Variants in RYR2 observed in about 807,000 individuals in gnomAD.
RYR2 encodes the protein cardiac muscle ryanodine receptor-calcium release channel.
In RYR2, 227 loss-of-function variants were observed where a neutral mutation model predicts 601.1. The ratio of observed to expected loss-of-function variants is 0.38; its 90% CI spans 0.34 to 0.42. The LOEUF (loss-of-function observed/expected upper bound fraction) is 0.42. Among genes scored for constraint, RYR2 ranks in the 10% least tolerant of loss-of-function variants. RYR2 has a pLI of 1.00. For missense variants in RYR2, 4,646 were observed against 6,156.5 expected, an observed-to-expected ratio of 0.75 and a Z score of 8.21; for synonymous variants, 2,223 against 2,175.1, an observed-to-expected ratio of 1.02 and a Z score of -0.61.
rs75585601 is a variant in RYR2 at position 237,385,749 on chromosome 1, A to G, written c.577-1532A>G. 5.2e-3 allele frequency among the ~76,000 whole-genome samples: 797 copies of G among 152,324 alleles called. 4 individuals are homozygous for G. The highest frequency in any genetic ancestry group is 8.1e-3 in the Non-Finnish European group (549 of 68,036). The stretch of plus-strand genomic sequence containing the variant: ...ACGAGTATTTATGGAACAGCTTAAA[A>G]TGTGTGTTTTTATGTTTATGATACT... On this transcript the variant is annotated intron_variant, in intron 8 of 104. Transcript: ENST00000366574.
intron 12 of RYR2, among the ~76,000 whole-genome samples, chr1:237,433,140 C>T (rs2150108901): frequency 6.6e-6 from 1 of 151,844 alleles, no homozygotes; most frequent in South Asian, 2.1e-4. Context: ...GAAGGCATTT[C>T]TGATACTAGA....
chr1:237,540,952 T>C (rs999116857), intron 25 of RYR2, among the ~76,000 whole-genome samples: 2 of 151,910 alleles, frequency 1.3e-5, no homozygotes, highest in Non-Finnish European at 1.5e-5. Context: ...CACACACACA[T>C]TTAAAATGAC....
At chr1:237,199,284 G>A (rs1427201202) in intron 1 of RYR2, among the ~76,000 whole-genome samples, 2 of 152,234 alleles carry the variant, frequency 1.3e-5, no homozygotes, top group East Asian at 3.9e-4. Flanking sequence ...TCTGCAAGCT[G>A]AGGAACAAGG....
intron 1 of RYR2, among the ~76,000 whole-genome samples, chr1:237,248,048 C>T (rs1687038004): frequency 6.6e-6 from 1 of 152,022 alleles, no homozygotes; most frequent in Non-Finnish European, 1.5e-5. Context: ...CCAAGGTGGG[C>T]AGATCACGAG....
intron 61 of RYR2, among the ~76,000 whole-genome samples, chr1:237,679,747 T>C (rs1006340957): frequency 2.0e-5 from 3 of 152,190 alleles, no homozygotes; most frequent in East Asian, 1.9e-4. Context: ...CTTTATCTAG[T>C]TGAGATCAGC....
rs78682698 is a variant in RYR2 at position 237,406,976 on chromosome 1, C to T, written c.774-10073C>T. ...CAATAATTTCACTGCTCTCAAAATT[C>T]CCTGTTCCCCATTTATTCCTTCTTC... On this transcript the variant is annotated intron_variant, in intron 10 of 104. Coordinates refer to ENST00000366574, the MANE Select transcript of RYR2 (RefSeq NM_001035.3). 5.9e-3 allele frequency among the ~76,000 whole-genome samples: 906 copies of T among 152,280 alleles called. 9 individuals carry two copies. The highest frequency in any genetic ancestry group is 0.02 in the African/African-American group (819 of 41,556).
chr1:237,425,311 C>G (rs150975461), intron 12 of RYR2, among the ~76,000 whole-genome samples: 1 of 152,096 alleles, frequency 6.6e-6, no homozygotes, highest in Non-Finnish European at 1.5e-5. Context: ...ATAGGGATCA[C>G]CAACACCCCT....
intron 2 of RYR2, among the ~76,000 whole-genome samples, chr1:237,291,448 T>C (rs889212693): frequency 2.0e-5 from 3 of 152,154 alleles, no homozygotes; most frequent in Admixed American, 1.3e-4. Context: ...TTTACCCAAA[T>C]GAGTAAAAGC....
intron 27 of RYR2, among the ~76,000 whole-genome samples, chr1:237,553,923 G>T (rs1471783210): frequency 1.3e-5 from 2 of 151,840 alleles, no homozygotes; most frequent in Non-Finnish European, 1.5e-5. Flanking sequence ...TGTAAATTCA[G>T]TGGGATTGTC....
At chr1:237,317,088 G>A (rs1695189037) in intron 2 of RYR2, among the ~76,000 whole-genome samples, 1 of 152,190 alleles carries the variant, frequency 6.6e-6, no homozygotes, top group Admixed American at 6.6e-5. Context: ...GAAGTGGACC[G>A]AGGAGTATTT....
chr1:237,769,298 T>G (rs1283439610), intron 84 of RYR2, among the ~76,000 whole-genome samples: 3 of 152,200 alleles, frequency 2.0e-5, no homozygotes, highest in African/African-American at 7.2e-5. Flanking sequence ...AAGAGTTTAG[T>G]GCCTTTATTT....
intron 1 of RYR2, among the ~76,000 whole-genome samples, chr1:237,167,133 C>T (rs780051261): frequency 1.3e-5 from 2 of 152,060 alleles, no homozygotes; most frequent in South Asian, 2.1e-4. Flanking sequence ...TTGATGAAAC[C>T]GACTGCAGAG....
intron 12 of RYR2, among the ~76,000 whole-genome samples, chr1:237,435,851 A>G (rs1002486556): frequency 2.6e-5 from 4 of 152,206 alleles, no homozygotes; most frequent in Non-Finnish European, 4.4e-5. Context: ...GGAGATATGT[A>G]TATATTAAGG....
intron 8 of RYR2, among the ~76,000 whole-genome samples, chr1:237,378,815 A>T (rs6669517): frequency 6.6e-6 from 1 of 152,294 alleles, no homozygotes; most frequent in Non-Finnish European, 1.5e-5. Flanking sequence ...GTTTTGTTTC[A>T]CTTGCCTTGT....
At chr1:237,264,392 G>T (rs1688829945) in intron 1 of RYR2, among the ~76,000 whole-genome samples, 1 of 152,136 alleles carries the variant, frequency 6.6e-6, no homozygotes, top group South Asian at 2.1e-4. Context: ...CTGCATTGTA[G>T]CTACAGTTCC....
At chr1:237,640,868 TTC>T in intron 46 of RYR2, 27 bp from the exon 47 acceptor site, 3 of 1,577,012 alleles carry the variant, frequency 1.9e-6, no homozygotes, top group Non-Finnish European at 2.6e-6. Flanking sequence ...CCCATTTGCT[TTC>T]TCTTTCTTTT....
At position 237,727,137 on chromosome 1, in the gene RYR2, C is replaced by T. The variant is rs2685301; in HGVS notation, c.10776C>T (p.Ser3592=). ...SKKAVWHKLL[S]KQRKRAVVAC... is the part of the protein sequence containing the mutation. ...AGGCTGTATGGCATAAACTACTGTC[C>T]AAGCAGAGGAAAAGGGCTGTTGTAG... The change falls in exon 76 of 105, where the codon TCC becomes TCT. Residue 3592 remains serine (S), a synonymous_variant. Coordinates refer to ENST00000366574, the MANE Select transcript of RYR2 (RefSeq NM_001035.3). 0.99 allele frequency: 1,595,175 copies of T among 1,606,748 alleles called. 792,480 individuals carry two copies. The highest frequency in any genetic ancestry group is 1 in the East Asian group (44,752 of 44,752).
chr1:237,074,507 G>A (rs1664763894), intron 1 of RYR2, among the ~76,000 whole-genome samples: 1 of 152,138 alleles, frequency 6.6e-6, no homozygotes, highest in Non-Finnish European at 1.5e-5. Flanking sequence ...GATTCACCAT[G>A]ATGTCATCTG....
chr1:237,798,525 A>G (rs529172593), intron 97 of RYR2, among the ~76,000 whole-genome samples: 51 of 152,252 alleles, frequency 3.3e-4, no homozygotes, highest in African/African-American at 1.2e-3. Context: ...GTTTGAAAAA[A>G]CGTTAATTTT....
Sources: gnomAD v4.1 joint callset for allele counts (sites outside exome capture counted in the v4.1 genomes callset) on GRCh38, gnomAD v4.1.1 for gene constraint, MANE v1.5 for transcripts, NCBI Gene and HGNC (gene_info 2026-07-23, HGNC 2026-07-21) for gene names.